The following TMEM108 variants were observed in gnomAD, a reference collection of about 807,000 sequenced individuals.
TMEM108 encodes the protein transmembrane protein 108.
A neutral mutation model predicts 35.1 loss-of-function variants in TMEM108; 12 were observed. The ratio of observed to expected loss-of-function variants is 0.34; its 90% CI spans 0.22 to 0.55. The LOEUF (loss-of-function observed/expected upper bound fraction) is 0.55. Ranked by LOEUF, TMEM108 falls within the 20% of genes least tolerant of loss-of-function variation. The pLI is 0.89. For synonymous variants in TMEM108, 287 were observed against 308.6 expected (o/e 0.93, Z 0.73); for missense variants, 680 against 753.3 (o/e 0.90, Z 1.14).
chr3:133,315,995 C>T (rs1235958660), intron 3 of TMEM108, among the ~76,000 whole-genome samples: 1 of 152,198 alleles, frequency 6.6e-6, no homozygotes, highest in Non-Finnish European at 1.5e-5. Context: ...CCAGAGACGA[C>T]TTAAAGCCCT....
intron 3 of TMEM108, among the ~76,000 whole-genome samples, chr3:133,243,815 C>T (rs558934432): frequency 9.5e-4 from 144 of 152,270 alleles, no homozygotes; most frequent in African/African-American, 3.1e-3. Flanking sequence ...TGAGCCACCG[C>T]GCCCGGCCTC....
intron 2 of TMEM108, among the ~76,000 whole-genome samples, chr3:133,110,389 G>A (rs1436877630): frequency 1.3e-5 from 2 of 152,126 alleles, no homozygotes; most frequent in African/African-American, 4.8e-5. Context: ...CTGCCACTGT[G>A]GACCATGTTT....
intron 2 of TMEM108, among the ~76,000 whole-genome samples, chr3:133,157,110 C>A (rs1186084928): frequency 6.6e-6 from 1 of 151,916 alleles, no homozygotes; most frequent in Non-Finnish European, 1.5e-5. Context: ...ACCTGGATAT[C>A]CAGGTTTTAG....
intron 3 of TMEM108, among the ~76,000 whole-genome samples, chr3:133,373,766 A>T (rs141540595): frequency 6.6e-6 from 1 of 152,364 alleles, no homozygotes; most frequent in African/African-American, 2.4e-5. Context: ...CATCAATTGC[A>T]GAAGCTAAAT....
At chr3:133,304,593 A>G (rs1225955813) in intron 3 of TMEM108, among the ~76,000 whole-genome samples, 1 of 152,162 alleles carries the variant, frequency 6.6e-6, no homozygotes, top group Non-Finnish European at 1.5e-5. Flanking sequence ...ATGAAATTAT[A>G]CATTCTGTAT....
chr3:133,075,608 G>A (rs968754510), intron 2 of TMEM108, among the ~76,000 whole-genome samples: 5 of 152,012 alleles, frequency 3.3e-5, no homozygotes, highest in Admixed American at 1.3e-4. Context: ...GCACATCCCC[G>A]TGGCTTTTCC....
chr3:133,191,021 A>G (rs1176363492), intron 2 of TMEM108, among the ~76,000 whole-genome samples: 2 of 152,166 alleles, frequency 1.3e-5, no homozygotes, highest in Non-Finnish European at 2.9e-5. Context: ...AAAGAAAAAA[A>G]AAGTTCCCAG....
At chr3:133,259,832 A>C (rs1304448047) in intron 3 of TMEM108, among the ~76,000 whole-genome samples, 1 of 152,170 alleles carries the variant, frequency 6.6e-6, no homozygotes, top group Non-Finnish European at 1.5e-5. Flanking sequence ...CTCTCAGGAG[A>C]TCAGTTCTTT....
At chr3:133,063,971 C>T (rs1302877076) in intron 2 of TMEM108, among the ~76,000 whole-genome samples, 1 of 152,168 alleles carries the variant, frequency 6.6e-6, no homozygotes, top group Non-Finnish European at 1.5e-5. Context: ...GACAGCATTC[C>T]CTTGTGCCAT....
chr3:133,145,355 G>A (rs1455797303), intron 2 of TMEM108, among the ~76,000 whole-genome samples: 1 of 152,170 alleles, frequency 6.6e-6, no homozygotes, highest in African/African-American at 2.4e-5. Flanking sequence ...ATGCTGTTTT[G>A]GTTACTGTAG....
intron 3 of TMEM108, among the ~76,000 whole-genome samples, chr3:133,373,919 A>T (rs950142406): frequency 2.0e-5 from 3 of 152,224 alleles, no homozygotes; most frequent in Admixed American, 6.5e-5. Flanking sequence ...GGGTGATTGC[A>T]GTCCAGCAGT....
intron 2 of TMEM108, among the ~76,000 whole-genome samples, chr3:133,196,315 G>C (rs773193158): frequency 6.6e-6 from 1 of 152,184 alleles, no homozygotes; most frequent in African/African-American, 2.4e-5. Flanking sequence ...CTCCCACAGA[G>C]CTTTTTATCA....
intron 4 of TMEM108, 75 bp downstream of exon 4, chr3:133,381,236 T>G: frequency 6.8e-7 from 1 of 1,461,926 alleles, no homozygotes; most frequent in Non-Finnish European, 9.2e-7. Context: ...CCTTTGTCCC[T>G]GATTTGGCAT....
chr3:133,220,983 A>T (rs562470675), intron 2 of TMEM108, among the ~76,000 whole-genome samples: 176 of 152,352 alleles, frequency 1.2e-3, no homozygotes, highest in Middle Eastern at 0.01. Flanking sequence ...ACAGCCAGAT[A>T]AAGACATAAA....
chr3:133,345,161 C>G (rs956215360), intron 3 of TMEM108, among the ~76,000 whole-genome samples: 1 of 151,652 alleles, frequency 6.6e-6, no homozygotes, highest in Admixed American at 6.6e-5. Flanking sequence ...ACAAACCAGT[C>G]TTAATCATAA....
intron 2 of TMEM108, among the ~76,000 whole-genome samples, chr3:133,107,491 TG>T (rs1476075250): frequency 6.6e-6 from 1 of 151,040 alleles, no homozygotes; most frequent in Non-Finnish European, 1.5e-5. Context: ...TGTGTGTGTG[TG>T]TGTGTATAAA....
chr3:133,287,290 T>C (rs578069634), intron 3 of TMEM108, among the ~76,000 whole-genome samples: 1 of 152,348 alleles, frequency 6.6e-6, no homozygotes, highest in South Asian at 2.1e-4. Context: ...GGATCAAGGT[T>C]GAGTATATCT....
At chr3:133,141,828 G>A (rs1214558755) in intron 2 of TMEM108, among the ~76,000 whole-genome samples, 1 of 152,154 alleles carries the variant, frequency 6.6e-6, no homozygotes, top group Non-Finnish European at 1.5e-5. Flanking sequence ...AATGGAAGTT[G>A]AAACTTAGTG....
At chr3:133,318,427 C>T (rs1576452779) in intron 3 of TMEM108, among the ~76,000 whole-genome samples, 1 of 152,296 alleles carries the variant, frequency 6.6e-6, no homozygotes, top group East Asian at 1.9e-4. Flanking sequence ...ATTTTTCAAA[C>T]CCATTTTATA....
Sources: gnomAD v4.1 joint callset for allele counts (sites outside exome capture counted in the v4.1 genomes callset) on GRCh38, gnomAD v4.1.1 for gene constraint, MANE v1.5 for transcripts, NCBI Gene and HGNC (gene_info 2026-07-23, HGNC 2026-07-21) for gene names.